MYH14: variants seen among roughly 807,000 people sequenced by gnomAD.
The protein encoded by MYH14 is myosin heavy chain 14.
In MYH14, 123 loss-of-function variants were observed where a neutral mutation model predicts 255.5. That is an observed-to-expected ratio of 0.48 (90% CI 0.42 to 0.56). MYH14 has a LOEUF of 0.56. Among genes scored for constraint, MYH14 ranks in the 20% least tolerant of loss-of-function variants. The pLI, the probability that MYH14 is intolerant of heterozygous loss-of-function variation, is 0.00. For synonymous variants in MYH14, 1,095 were observed against 1,161.2 expected (o/e 0.94, Z 1.16); for missense variants, 2,423 against 2,802.3 (o/e 0.86, Z 3.06).
At chr19:50,273,443 G>T (rs1315396262) in intron 27 of MYH14, among the ~76,000 whole-genome samples, 1 of 152,066 alleles carries the variant, frequency 6.6e-6, no homozygotes, top group African/African-American at 2.4e-5. Flanking sequence ...CAGTAATTGA[G>T]CTCCTACTGT....
chr19:50,294,667 T>C (rs2036202058), intron 39 of MYH14, among the ~76,000 whole-genome samples: 2 of 151,508 alleles, frequency 1.3e-5, no homozygotes, highest in Non-Finnish European at 2.9e-5. Flanking sequence ...AGATTGAGGC[T>C]GCAGTGAGCT....
chr19:50,300,892 A>ATG (rs1384334682), intron 39 of MYH14, among the ~76,000 whole-genome samples: 1 of 152,044 alleles, frequency 6.6e-6, no homozygotes, highest in Non-Finnish European at 1.5e-5. Flanking sequence ...CAGCTGGGCA[A>ATG]CGGCTGTGCT....
At chr19:50,296,411 C>T (rs534520752) in intron 39 of MYH14, among the ~76,000 whole-genome samples, 1 of 151,964 alleles carries the variant, frequency 6.6e-6, no homozygotes, top group Non-Finnish European at 1.5e-5. Flanking sequence ...AGTTTGAGAC[C>T]AGCCTGAGCA....
intron 2 of MYH14, among the ~76,000 whole-genome samples, chr19:50,215,974 C>T (rs1158347711): frequency 1.3e-5 from 2 of 152,204 alleles, no homozygotes; most frequent in African/African-American, 4.8e-5. Context: ...GCGACAAGCC[C>T]AGAGTAGCTA....
At chr19:50,264,088 A>C (rs371886143) in intron 22 of MYH14, among the ~76,000 whole-genome samples, 1 of 89,806 alleles carries the variant, frequency 1.1e-5, no homozygotes, top group South Asian at 4.0e-4. Context: ...AGCAAAGGTT[A>C]AAAAAAAAAA....
rs551850834 is a variant in MYH14, at chr19:50,306,349, T to C, written c.5679-700T>C. Among the ~76,000 whole-genome samples the C allele has an allele frequency of 2.2e-4, 34 of 152,168 alleles. 1 individual carries two copies. The highest frequency in any genetic ancestry group is 4.6e-4 in the Non-Finnish European group (31 of 68,024). ...GTGCCTTCCCACTCGCCCCCAGCCC[T>C]GTGCCTTCCTCTCAGCACATCTGGG... On this transcript the variant is annotated intron_variant, in intron 40 of 42. Coordinates refer to ENST00000642316, the MANE Select transcript of MYH14 (RefSeq NM_001145809.2).
chr19:50,232,810 G>A (rs1311522715), intron 10 of MYH14, among the ~76,000 whole-genome samples: 2 of 152,046 alleles, frequency 1.3e-5, no homozygotes, highest in African/African-American at 2.4e-5. Flanking sequence ...CCTGAGGCAG[G>A]AAAGGGGTGG....
At chr19:50,256,613 A>C (rs1417796575) in intron 17 of MYH14, among the ~76,000 whole-genome samples, 1 of 152,202 alleles carries the variant, frequency 6.6e-6, no homozygotes, top group Non-Finnish European at 1.5e-5. Flanking sequence ...ACCTTAGGTG[A>C]TCCACCCGCC....
intron 23 of MYH14, 62 bp from the exon 24 acceptor site, chr19:50,268,099 C>T: frequency 1.3e-6 from 2 of 1,510,722 alleles, no homozygotes; most frequent in Non-Finnish European, 1.8e-6. Flanking sequence ...GCAGTAGGCA[C>T]CCAGTGCAGG....
At chr19:50,259,616 C>T (rs1343897129) in intron 19 of MYH14, among the ~76,000 whole-genome samples, 3 of 152,254 alleles carry the variant, frequency 2.0e-5, no homozygotes, top group Admixed American at 1.3e-4. Context: ...CGGTGGCTCA[C>T]GCCTGTAATC....
intron 3 of MYH14, among the ~76,000 whole-genome samples, chr19:50,219,637 G>A (rs556225628): frequency 5.3e-5 from 8 of 151,742 alleles, no homozygotes; most frequent in Middle Eastern, 3.4e-3. Context: ...CCATTGTCAC[G>A]GGGTAAATGT....
intron 22 of MYH14, among the ~76,000 whole-genome samples, chr19:50,265,388 G>T (rs1043376830): frequency 6.6e-6 from 1 of 151,998 alleles, no homozygotes; most frequent in African/African-American, 2.4e-5. Context: ...GGGTGTAGTG[G>T]TGCACACCTG....
At position 50,223,236 on chromosome 19, in the gene MYH14, C is replaced by T; in HGVS notation, c.591-11C>T. 1 of 1,613,186 alleles carries T rather than the reference C, an allele frequency of 6.2e-7. No individual in the cohort carries two copies. Among genetic ancestry groups the T allele is most frequent in the Non-Finnish European group, 8.5e-7 (1 of 1,179,160 alleles). ...TGCCAACCCCTTTGCTTCCCCTTGTCATCCCCACAGTGGAGAGTCTGGAGC... is the reference window on the plus strand; with the variant it reads ...TGCCAACCCCTTTGCTTCCCCTTGTTATCCCCACAGTGGAGAGTCTGGAGC... On this transcript the variant is annotated splice_polypyrimidine_tract_variant and intron_variant, in intron 4 of 42. Transcript: ENST00000642316.
chr19:50,308,933 GTGGGCTGT>G, intron 41 of MYH14, 64 bp from the exon 42 acceptor site: 1 of 1,431,356 alleles, frequency 7.0e-7, no homozygotes, highest in Non-Finnish European at 9.5e-7. Context: ...TGGGGCAGTA[GTGGGCTGT>G]TGGAGAGGGA....
chr19:50,224,159 C>A lies in MYH14; in HGVS notation c.699C>A (p.Ser233=), dbSNP rs559122694. The A allele has an allele frequency of 3.1e-6, 5 of 1,613,790 alleles. No individual in the cohort carries two copies. Among genetic ancestry groups the A allele is most frequent in the Non-Finnish European group, 4.2e-6 (5 of 1,179,842 alleles). The change falls in exon 6 of 43, where the codon TCC becomes TCA. Residue 233 remains serine, a synonymous_variant. Transcript: ENST00000642316. ...GTGTCCCGTGACTTCCTCAGGCCTC[C>A]GTCAGCACCGTGTCTTATGTGAGTA... ...KGRKEPGVPA[S]VSTVSYGELE... is the part of the protein sequence containing the mutation.
intron 24 of MYH14, among the ~76,000 whole-genome samples, chr19:50,270,916 G>A (rs914696724): frequency 9.9e-5 from 15 of 152,090 alleles, no homozygotes; most frequent in Non-Finnish European, 1.3e-4. Context: ...GGATGGTCTC[G>A]ATCTGCTGAC....
chr19:50,244,149 C>T (rs2033999686), intron 10 of MYH14, 93 bp from the exon 11 acceptor site: 1 of 1,075,824 alleles, frequency 9.3e-7, no homozygotes. Flanking sequence ...ATATAATTTG[C>T]CTTAAGCTTT....
chr19:50,241,175 G>T (rs1227450974), intron 10 of MYH14, among the ~76,000 whole-genome samples: 1 of 152,202 alleles, frequency 6.6e-6, no homozygotes, highest in Non-Finnish European at 1.5e-5. Flanking sequence ...GGTGACTCAT[G>T]CCTGTAATCC....
Position 50,232,107 on chromosome 19 carries a change from A to G in MYH14, c.1114+37A>G. ...CCGTGGAGGCCAGGGGTAGGGGGGA[A>G]CCCCACGGAGAGCTGGGGACCTGGC... is the stretch of plus-strand genomic sequence containing the variant. On this transcript the variant is annotated intron_variant, in intron 10 of 42. Transcript: ENST00000642316. The G allele has an allele frequency of 1.9e-6, 3 of 1,604,554 alleles. No homozygotes were observed. In the South Asian group the frequency reaches 3.3e-5, roughly 18 times the overall value.
Sources: allele counts gnomAD v4.1 joint callset (sites outside exome capture counted in the v4.1 genomes callset), GRCh38; gene constraint gnomAD v4.1.1; transcripts MANE v1.5; gene names NCBI Gene and HGNC (gene_info 2026-07-23, HGNC 2026-07-21).